Variants in ZNF623 observed in about 807,000 individuals in gnomAD.
ZNF623 encodes zinc finger protein 623.
A neutral mutation model predicts 24.0 loss-of-function variants in ZNF623; 16 were observed. The observed-to-expected ratio is 0.67, with a 90% confidence interval of 0.45 to 1.01. The LOEUF is 1.01. Ranked by LOEUF, ZNF623 falls within the 50% of genes least tolerant of loss-of-function variation. The probability of loss-of-function intolerance (pLI) is 0.00; values close to 1 mark genes in which losing one functional copy is unlikely to be tolerated. For synonymous variants in ZNF623, 224 were observed against 219.8 expected, an observed-to-expected ratio of 1.02 and a Z score of -0.17; for missense variants, 566 against 606.5, an observed-to-expected ratio of 0.93 and a Z score of 0.70.
At chr8:143,640,907 C>G (rs564043851) in intron 1 of ZNF623, among the ~76,000 whole-genome samples, 1 of 148,234 alleles carries the variant, frequency 6.7e-6, no homozygotes, top group Non-Finnish European at 1.5e-5. Context: ...CACCACTCCA[C>G]TCTGCCTGGG....
chr8:143,650,419 G>A lies in ZNF623; in HGVS notation c.427G>A (p.Val143Met). ...HTGERLYVCN[V>M]CGKDFIHYSG... Reference sequence around the variant, plus strand: ...TGGAGAGAGACTCTACGTCTGTAATGTGTGTGGGAAAGACTTCATTCACTA... The same window carrying A: ...TGGAGAGAGACTCTACGTCTGTAATATGTGTGGGAAAGACTTCATTCACTA... The change falls in exon 2 of 2, where the codon GTG becomes ATG. Residue 143 changes from valine to methionine, a missense_variant. Val to Met is a conservative substitution (Grantham distance 21). Transcript: ENST00000526926. This position sits in a 1 kb window ranked among gnomAD's most constrained non-coding sequence, Gnocchi z 5.2. The A allele has an allele frequency of 6.2e-7, 1 of 1,614,178 alleles. No individual in the cohort carries two copies. The highest frequency in any genetic ancestry group is 8.5e-7 in the Non-Finnish European group (1 of 1,180,034).
intron 1 of ZNF623, among the ~76,000 whole-genome samples, chr8:143,642,893 C>T (rs4873815): frequency 0.43 from 64,607 of 151,918 alleles, 14,654 homozygotes; most frequent in East Asian, 0.8. Flanking sequence ...GATTCCTGGC[C>T]CCTAATGTAC....
At chr8:143,647,690 C>T (rs944752161) in intron 1 of ZNF623, among the ~76,000 whole-genome samples, 51 of 152,250 alleles carry the variant, frequency 3.3e-4, no homozygotes, top group African/African-American at 1.2e-3. Flanking sequence ...CTTGTGGGGC[C>T]AGAGTAGGGG....
intron 1 of ZNF623, among the ~76,000 whole-genome samples, chr8:143,640,677 G>A (rs958816641): frequency 6.6e-6 from 1 of 152,024 alleles, no homozygotes; most frequent in Non-Finnish European, 1.5e-5. Context: ...ATGGTGGCTC[G>A]TGCCTGTAAT....
rs3750204 is a variant in ZNF623 at position 143,650,280 on chromosome 8, G to A, written c.288G>A (p.Ser96=). The change falls in exon 2 of 2, where the codon TCG becomes TCA. Residue 96 remains serine, a synonymous_variant. Coordinates refer to ENST00000526926, the MANE Select transcript of ZNF623 (RefSeq NM_001261843.2). The surrounding 1 kb of genome is among the most constrained non-coding windows in gnomAD (Gnocchi z 5.2). The stretch of plus-strand genomic sequence containing the variant: ...GTGGCAAAACCTTCACGTTTAATTC[G>A]GACCTAGTTAGGCATCGGATTTCGC... ...DICGKTFTFN[S]DLVRHRISHA... is the part of the protein sequence containing the mutation. 388,388 of 1,614,024 alleles carry A rather than the reference G, an allele frequency of 0.24. 48,064 individuals are homozygous for A. Among genetic ancestry groups the A allele is most frequent in the East Asian group, 0.34 (15,477 of 44,874 alleles).
chr8:143,643,645 A>G (rs1338337200), intron 1 of ZNF623, among the ~76,000 whole-genome samples: 1 of 152,242 alleles, frequency 6.6e-6, no homozygotes, highest in African/African-American at 2.4e-5. Context: ...TGCCCCTGCC[A>G]GTGACAGTGT....
At chr8:143,646,542 T>TGC (rs1466041733) in intron 1 of ZNF623, among the ~76,000 whole-genome samples, 2 of 132,586 alleles carry the variant, frequency 1.5e-5, no homozygotes, top group African/African-American at 6.8e-5. Context: ...CTGTGGGGTG[T>TGC]GTGCGTGTGT....
chr8:143,645,083 G>A (rs1322404720), intron 1 of ZNF623, among the ~76,000 whole-genome samples: 6 of 151,390 alleles, frequency 4.0e-5, no homozygotes, highest in African/African-American at 7.3e-5. Context: ...AGCCGAGATC[G>A]TGCCATTGCA....
chr8:143,649,620 C>T (rs1187496479), intron 1 of ZNF623: 7 of 482,146 alleles, frequency 1.5e-5, no homozygotes, highest in East Asian at 6.3e-5. Flanking sequence ...CACCCCTCTG[C>T]AACTCATCCA....
intron 1 of ZNF623, among the ~76,000 whole-genome samples, chr8:143,644,259 C>T (rs1049883518): frequency 6.6e-6 from 1 of 152,176 alleles, no homozygotes; most frequent in African/African-American, 2.4e-5. Flanking sequence ...CTCAAGTGAT[C>T]CACCCACCTT....
intron 1 of ZNF623, among the ~76,000 whole-genome samples, chr8:143,645,956 G>C (rs7835377): frequency 0.25 from 37,872 of 151,992 alleles, 6,971 homozygotes; most frequent in African/African-American, 0.5. Flanking sequence ...CATTCTAAAA[G>C]AGCTGTAGCA....
Position 143,645,128 on chromosome 8 carries a change from CAA to C in ZNF623, c.-95-4758_-95-4757del, listed in dbSNP as rs34300464. ...GGGCAATAAGAGCAAAACTCCATCT[CAA>C]AAAAAAAAAAAGAGAGAAAATACAA... is the stretch of plus-strand genomic sequence containing the variant. On this transcript the variant is annotated intron_variant, in intron 1 of 1. Coordinates refer to ENST00000526926, the MANE Select transcript of ZNF623 (RefSeq NM_001261843.2). 2.5e-3 allele frequency among the ~76,000 whole-genome samples: 304 copies of C among 123,740 alleles called. 1 individual carries two copies. The highest frequency in any genetic ancestry group is 7.7e-3 in the African/African-American group (263 of 34,248). 81.2% of individuals were successfully genotyped at this position (123,740 alleles called of 152,430 possible).
At chr8:143,637,272 C>CTCTA (rs1172197593) in intron 1 of ZNF623, among the ~76,000 whole-genome samples, 1 of 152,216 alleles carries the variant, frequency 6.6e-6, no homozygotes, top group Non-Finnish European at 1.5e-5. Flanking sequence ...GTTAGTGGAG[C>CTCTA]TCTAGTCCAC....
rs957709811 is a variant in ZNF623 at position 143,653,620 on chromosome 8, C to T, written c.*2137C>T. On this transcript the variant is annotated 3_prime_UTR_variant, in exon 2 of 2. Coordinates refer to ENST00000526926, the MANE Select transcript of ZNF623 (RefSeq NM_001261843.2). ...CAGCCCCAGATAACCACTTTCTATC[C>T]TCATAGATTAGTGTTGCTTGGTTTA... The T allele has an allele frequency of 6.0e-6, 1 of 167,078 alleles. No homozygotes were observed. The highest frequency in any genetic ancestry group is 6.5e-5 in the Admixed American group (1 of 15,274). 10.3% of individuals were successfully genotyped at this position (167,078 alleles called of 1,614,324 possible).
At chr8:143,644,334 A>C (rs1815122451) in intron 1 of ZNF623, among the ~76,000 whole-genome samples, 1 of 152,114 alleles carries the variant, frequency 6.6e-6, no homozygotes, top group Admixed American at 6.6e-5. Flanking sequence ...TGGTTTTTAA[A>C]CGAGCAGAAC....
At position 143,651,524 on chromosome 8, in the gene ZNF623, C is replaced by T. The variant is rs747469739; in HGVS notation, c.*41C>T. ...GCCCAGTGAGTGATGTTTGGAAATG[C>T]GTGGAATTAGGATTCATGTGGTTTC... On this transcript the variant is annotated 3_prime_UTR_variant, in exon 2 of 2. Transcript: ENST00000526926. 10 of 1,521,934 alleles carry T rather than the reference C, an allele frequency of 6.6e-6. No individual in the cohort carries two copies. Among genetic ancestry groups the T allele is most frequent in the Middle Eastern group, 1.8e-4 (1 of 5,646 alleles). 94.3% of individuals were successfully genotyped at this position (1,521,934 alleles called of 1,614,324 possible).
intron 1 of ZNF623, among the ~76,000 whole-genome samples, chr8:143,640,441 T>C (rs1233742008): frequency 6.6e-6 from 1 of 152,232 alleles, no homozygotes; most frequent in African/African-American, 2.4e-5. Flanking sequence ...GATTTCTCTG[T>C]AGCATGCAAA....
rs757448585 is a variant in ZNF623 at position 143,651,076 on chromosome 8, G to A, written c.1084G>A (p.Val362Met). ...CCAGAAAATCCACACTGGAGAGAGA[G>A]TGTATGAATGTAAGGAATGTGGGAA... ...RHQKIHTGER[V>M]YECKECGKAF... is the part of the protein sequence containing the mutation. Residue 362 changes from valine to methionine, a missense_variant, in exon 2 of 2, where the codon GTG becomes ATG. By Grantham distance (21) the Val-to-Met change is conservative (BLOSUM62 1). Coordinates refer to ENST00000526926, the MANE Select transcript of ZNF623 (RefSeq NM_001261843.2). 6.2e-7 allele frequency: 1 copy of A among 1,614,136 alleles called. No individual in the cohort carries two copies. Among genetic ancestry groups the A allele is most frequent in the South Asian group, 1.1e-5 (1 of 91,082 alleles).
chr8:143,637,301 C>G (rs1814947387), intron 1 of ZNF623, among the ~76,000 whole-genome samples: 1 of 152,208 alleles, frequency 6.6e-6, no homozygotes, highest in African/African-American at 2.4e-5. Context: ...CGGTTGCCCT[C>G]TGGTTCTGCT....
Sources: gnomAD v4.1 joint callset for allele counts (sites outside exome capture counted in the v4.1 genomes callset) on GRCh38, gnomAD v4.1.1 for gene constraint, Gnocchi (gnomAD v3.1) non-coding constraint, MANE v1.5 for transcripts, NCBI Gene and HGNC (gene_info 2026-07-23, HGNC 2026-07-21) for gene names.